The following SLC25A21 variants were observed in gnomAD, a reference collection of about 807,000 sequenced individuals.
The protein encoded by SLC25A21 is mitochondrial 2-oxodicarboxylate carrier.
A neutral mutation model predicts 43.8 loss-of-function variants in SLC25A21; 47 were observed. The observed-to-expected ratio is 1.07, with a 90% CI of 0.85 to 1.37. SLC25A21 has a LOEUF of 1.37. Among genes scored for constraint, SLC25A21 ranks in the 40% most tolerant of loss-of-function variants. SLC25A21 has a pLI of 0.00. For synonymous variants in SLC25A21, 131 were observed against 121.3 expected (o/e 1.08, Z -0.52); for missense variants, 352 against 350.2 (o/e 1.00, Z -0.04).
chr14:36,735,961 G>A (rs1034146073), intron 3 of SLC25A21, among the ~76,000 whole-genome samples: 4 of 104,170 alleles, frequency 3.8e-5, no homozygotes, highest in African/African-American at 1.2e-4. Context: ...TTTTGAGACC[G>A]AGTCTCACTC....
intron 3 of SLC25A21, among the ~76,000 whole-genome samples, chr14:36,793,890 C>A: frequency 7.0e-6 from 1 of 142,036 alleles, no homozygotes. Flanking sequence ...TTCAAGAAAC[C>A]TAGAGTGAAA....
rs1882072976 is a variant in SLC25A21 at position 36,679,282 on chromosome 14, G to A, written c.*1376C>T. 2.0e-6 allele frequency: 2 copies of A among 980,038 alleles called. No individual in the cohort carries two copies. Among genetic ancestry groups the A allele is most frequent in the Non-Finnish European group, 2.4e-6 (2 of 825,118 alleles). 60.7% of individuals were successfully genotyped at this position (980,038 alleles called of 1,614,324 possible). On this transcript the variant is annotated 3_prime_UTR_variant, in exon 10 of 10. Coordinates refer to ENST00000331299, the MANE Select transcript of SLC25A21 (RefSeq NM_030631.4). The stretch of plus-strand genomic sequence containing the variant: ...CGTTGGAAAGGATGTACAACAGAAG[G>A]CTATGTATGTATATACAGTATGTCA...
chr14:36,958,568 G>C (rs189401731), intron 1 of SLC25A21, among the ~76,000 whole-genome samples: 2 of 152,188 alleles, frequency 1.3e-5, no homozygotes, highest in Admixed American at 1.3e-4. Context: ...GTGGAAACTA[G>C]CCTTGTCCCC....
chr14:36,955,380 T>C (rs2138667183), intron 1 of SLC25A21, among the ~76,000 whole-genome samples: 1 of 152,346 alleles, frequency 6.6e-6, no homozygotes, highest in East Asian at 1.9e-4. Flanking sequence ...CACTTAGTAA[T>C]GAAAGAAAAT....
chr14:36,853,944 C>T (rs1283354048), intron 2 of SLC25A21, among the ~76,000 whole-genome samples: 1 of 152,186 alleles, frequency 6.6e-6, no homozygotes, highest in Non-Finnish European at 1.5e-5. Flanking sequence ...ATCTTTTAAA[C>T]TATAGAAACC....
At chr14:36,681,834 T>C (rs1318077724) in intron 9 of SLC25A21, among the ~76,000 whole-genome samples, 1 of 152,232 alleles carries the variant, frequency 6.6e-6, no homozygotes, top group African/African-American at 2.4e-5. Flanking sequence ...GAAGATACTC[T>C]ATTAGTCCCT....
intron 1 of SLC25A21, among the ~76,000 whole-genome samples, chr14:36,902,528 C>CTT (rs1446607444): frequency 2.6e-5 from 4 of 152,102 alleles, no homozygotes; most frequent in African/African-American, 7.2e-5. Context: ...TCCAGGGGTT[C>CTT]TTAACCTGTG....
At chr14:36,881,130 T>C (rs1209576999) in intron 1 of SLC25A21, among the ~76,000 whole-genome samples, 1 of 152,342 alleles carries the variant, frequency 6.6e-6, no homozygotes. Context: ...ATTCTAGTCT[T>C]ACATGACTGC....
At position 36,683,906 on chromosome 14, in the gene SLC25A21, G is replaced by A. The variant is rs770143171; in HGVS notation, c.786-26C>T. On this transcript the variant is annotated intron_variant, in intron 8 of 9. Transcript: ENST00000331299. ...CTGTAATGGGAAGGGAAAGAGAAAC[G>A]TTCTTATTCTGAAAATAAATGGAGT... is the stretch of plus-strand genomic sequence containing the variant. 2.5e-5 allele frequency: 39 copies of A among 1,560,664 alleles called. No homozygotes were observed. In the Middle Eastern group the frequency reaches 5.1e-4, roughly 20 times the overall value.
At chr14:37,136,363 AAGAAAC>A (rs1963479321) in intron 1 of SLC25A21, among the ~76,000 whole-genome samples, 1 of 152,208 alleles carries the variant, frequency 6.6e-6, no homozygotes, top group Non-Finnish European at 1.5e-5. Context: ...TGCACAGAGA[AAGAAAC>A]AGAAAATAAA....
intron 1 of SLC25A21, among the ~76,000 whole-genome samples, chr14:37,031,795 C>T (rs1044446085): frequency 2.6e-5 from 4 of 152,188 alleles, no homozygotes; most frequent in Non-Finnish European, 5.9e-5. Context: ...CTACTGAAGC[C>T]TTCAAAGATG....
intron 1 of SLC25A21, among the ~76,000 whole-genome samples, chr14:36,961,017 T>C (rs1003270038): frequency 2.0e-5 from 3 of 152,152 alleles, no homozygotes; most frequent in Admixed American, 1.3e-4. Flanking sequence ...CACAATCTGT[T>C]ACGATGAGTG....
At chr14:36,996,836 G>C (rs1432902378) in intron 1 of SLC25A21, among the ~76,000 whole-genome samples, 2 of 152,134 alleles carry the variant, frequency 1.3e-5, no homozygotes, top group African/African-American at 4.8e-5. Context: ...TGACAAATAT[G>C]TACAGAGTAA....
At chr14:37,003,193 G>C (rs927033399) in intron 1 of SLC25A21, among the ~76,000 whole-genome samples, 4 of 152,038 alleles carry the variant, frequency 2.6e-5, no homozygotes, top group Non-Finnish European at 4.4e-5. Flanking sequence ...CAATAAAATA[G>C]AACATACATA....
At chr14:36,873,666 A>T (rs892033480) in intron 2 of SLC25A21, among the ~76,000 whole-genome samples, 2 of 152,208 alleles carry the variant, frequency 1.3e-5, no homozygotes, top group Non-Finnish European at 2.9e-5. Flanking sequence ...GTGACCCTCC[A>T]GAATGTGTAT....
chr14:36,998,722 A>G (rs1960424756), intron 1 of SLC25A21, among the ~76,000 whole-genome samples: 1 of 152,072 alleles, frequency 6.6e-6, no homozygotes, highest in African/African-American at 2.4e-5. Flanking sequence ...AAAAAAACCT[A>G]ATTGAAAAAT....
chr14:37,125,061 T>A lies in SLC25A21; in HGVS notation c.70+47220A>T, dbSNP rs538099758. ...GAGGACAGACTAACAATACAGGATCTGAATGGATGCCCAACAGAAAGAGCC... is the reference window on the plus strand; with the variant it reads ...GAGGACAGACTAACAATACAGGATCAGAATGGATGCCCAACAGAAAGAGCC... On this transcript the variant is annotated intron_variant, in intron 1 of 9. Transcript: ENST00000331299. Among the ~76,000 whole-genome samples the A allele has an allele frequency of 1.1e-3, 165 of 152,316 alleles. 2 individuals carry two copies. Among genetic ancestry groups the A allele is most frequent in the African/African-American group, 3.1e-3 (127 of 41,576 alleles).
intron 1 of SLC25A21, among the ~76,000 whole-genome samples, chr14:37,155,130 G>A (rs1304622607): frequency 6.6e-6 from 1 of 151,620 alleles, no homozygotes; most frequent in East Asian, 1.9e-4. Flanking sequence ...GAGTGCAGTG[G>A]CACGATCTCA....
intron 2 of SLC25A21, among the ~76,000 whole-genome samples, chr14:36,838,792 A>G (rs1234684305): frequency 1.3e-5 from 2 of 152,186 alleles, no homozygotes; most frequent in Non-Finnish European, 2.9e-5. Context: ...TGGAGTGGAA[A>G]GTCTTAATTA....
Sources: allele counts gnomAD v4.1 joint callset (sites outside exome capture counted in the v4.1 genomes callset), GRCh38; gene constraint gnomAD v4.1.1; transcripts MANE v1.5; gene names NCBI Gene and HGNC (gene_info 2026-07-23, HGNC 2026-07-21).